ELAC1: variants seen among roughly 807,000 people sequenced by gnomAD.
The protein encoded by ELAC1 is zinc phosphodiesterase ELAC protein 1.
A neutral mutation model predicts 25.8 loss-of-function variants in ELAC1; 19 were observed. The ratio of observed to expected loss-of-function variants is 0.74; its 90% CI spans 0.51 to 1.08. The LOEUF is 1.08. Ranked by LOEUF, ELAC1 falls within the 50% of genes least tolerant of loss-of-function variation. The pLI, the probability that ELAC1 is intolerant of heterozygous loss-of-function variation, is 0.00. For synonymous variants in ELAC1, 148 were observed against 160.9 expected, an observed-to-expected ratio of 0.92 and a Z score of 0.61; for missense variants, 403 against 434.6, an observed-to-expected ratio of 0.93 and a Z score of 0.65.
chr18:50,980,008 G>A (rs1185318940), intron 2 of ELAC1, among the ~76,000 whole-genome samples: 1 of 152,182 alleles, frequency 6.6e-6, no homozygotes, highest in African/African-American at 2.4e-5. Flanking sequence ...TAGGATTCAG[G>A]TGTGAGCCAC....
intron 3 of ELAC1, among the ~76,000 whole-genome samples, chr18:50,985,314 G>A (rs958055757): frequency 6.6e-6 from 1 of 152,196 alleles, no homozygotes; most frequent in South Asian, 2.1e-4. Flanking sequence ...GTTTACTTCT[G>A]TATCTACTTT....
At chr18:50,982,010 C>A (rs1223844669) in intron 2 of ELAC1, among the ~76,000 whole-genome samples, 1 of 152,064 alleles carries the variant, frequency 6.6e-6, no homozygotes, top group Non-Finnish European at 1.5e-5. Context: ...TCACACCCAG[C>A]TAATTTTGTA....
chr18:50,984,051 G>T (rs1216975994), intron 2 of ELAC1, 45 bp from the exon 3 acceptor site: 1 of 1,360,948 alleles, frequency 7.3e-7, no homozygotes, highest in East Asian at 2.3e-5. Flanking sequence ...TGGGTTTTTA[G>T]TTAATGAAAA....
intron 1 of ELAC1, among the ~76,000 whole-genome samples, chr18:50,971,741 C>T (rs1418921412): frequency 2.0e-5 from 3 of 151,296 alleles, no homozygotes; most frequent in Admixed American, 1.3e-4. Flanking sequence ...GAGACTGAAC[C>T]CTTATCTTTT....
intron 3 of ELAC1, among the ~76,000 whole-genome samples, chr18:50,985,838 G>A (rs181450124): frequency 1.3e-5 from 2 of 151,984 alleles, no homozygotes; most frequent in East Asian, 1.9e-4. Context: ...AAATTAATAC[G>A]AGATTTAAGC....
intron 2 of ELAC1, among the ~76,000 whole-genome samples, chr18:50,979,971 T>C (rs1412210231): frequency 6.6e-6 from 1 of 152,130 alleles, no homozygotes; most frequent in African/African-American, 2.4e-5. Flanking sequence ...GCTCAGGCAG[T>C]CCACCCGCCT....
chr18:50,978,662 G>T (rs1907859434), intron 2 of ELAC1, among the ~76,000 whole-genome samples: 2 of 152,226 alleles, frequency 1.3e-5, no homozygotes, highest in African/African-American at 4.8e-5. Context: ...GTGTGTGTGT[G>T]TGAGAGAGAG....
At chr18:50,976,531 A>G (rs1194605037) in intron 2 of ELAC1, among the ~76,000 whole-genome samples, 1 of 152,154 alleles carries the variant, frequency 6.6e-6, no homozygotes, top group Non-Finnish European at 1.5e-5. Context: ...TGAGAACAGC[A>G]TGAGAGAACC....
chr18:50,983,991 A>G (rs1288688589), intron 2 of ELAC1, 105 bp from the exon 3 acceptor site: 3 of 660,030 alleles, frequency 4.5e-6, no homozygotes, highest in African/African-American at 1.8e-5. Flanking sequence ...TTTAAATTCA[A>G]TTTACTATTT....
intron 2 of ELAC1, among the ~76,000 whole-genome samples, chr18:50,981,168 G>A (rs963123490): frequency 6.7e-6 from 1 of 148,270 alleles, no homozygotes; most frequent in African/African-American, 2.5e-5. Flanking sequence ...CACATGAAAT[G>A]ATTATTAAAA....
rs997490159 is a variant in ELAC1, at chr18:50,986,842, G to A, written c.849G>A (p.Met283Ile). The change falls in exon 4 of 4, where the codon ATG (methionine) becomes ATA (isoleucine). Residue 283 changes from methionine (M) to isoleucine (I), a missense_variant. By Grantham distance (10) the Met-to-Ile change is conservative (BLOSUM62 1). Transcript: ENST00000269466. ...AAGCAACCCTGGATGATGCCCAGATGGACAAAGCAAAGGAGCATGGCCACA... is the reference window on the plus strand; with the variant it reads ...AAGCAACCCTGGATGATGCCCAGATAGACAAAGCAAAGGAGCATGGCCACA... The part of the protein sequence containing the change: ...IHEATLDDAQ[M>I]DKAKEHGHST... 3.1e-6 allele frequency: 5 copies of A among 1,614,044 alleles called. No individual in the cohort carries two copies. In the African/African-American group the frequency reaches 5.3e-5, roughly 17 times the overall value.
In ELAC1 at chr18:50,973,485, G is replaced by C. The variant is rs571077195; in HGVS notation, c.-8-912G>C. Reference sequence around the variant, plus strand: ...AGAGTCCCAAGTCCTCGTGAGTCATGGACCATGTCATGTAGGGAGTGAGAC... The same window carrying C: ...AGAGTCCCAAGTCCTCGTGAGTCATCGACCATGTCATGTAGGGAGTGAGAC... On this transcript the variant is annotated intron_variant, in intron 1 of 3. Coordinates refer to ENST00000269466, the MANE Select transcript of ELAC1 (RefSeq NM_018696.3). 5.3e-5 allele frequency among the ~76,000 whole-genome samples: 8 copies of C among 152,304 alleles called. No homozygotes were observed. In the South Asian group the frequency reaches 1.0e-3, roughly 20 times the overall value.
chr18:50,983,855 TA>T (rs999081152), intron 2 of ELAC1, among the ~76,000 whole-genome samples: 170 of 144,948 alleles, frequency 1.2e-3, no homozygotes, highest in Middle Eastern at 7.1e-3. Context: ...CCTGTCTCTT[TA>T]AAAAAAAAAA....
intron 2 of ELAC1, among the ~76,000 whole-genome samples, chr18:50,981,826 C>CA (rs991280900): frequency 6.7e-6 from 1 of 149,176 alleles, no homozygotes; most frequent in Non-Finnish European, 1.5e-5. Flanking sequence ...GATCTGGACT[C>CA]AGTGACTGCT....
intron 2 of ELAC1, among the ~76,000 whole-genome samples, chr18:50,979,749 C>T (rs1455241360): frequency 6.6e-6 from 1 of 151,878 alleles, no homozygotes; most frequent in East Asian, 1.9e-4. Context: ...TTTTTTGAGA[C>T]AGAGTCTTGC....
intron 1 of ELAC1, among the ~76,000 whole-genome samples, chr18:50,972,318 T>C (rs1907688456): frequency 6.6e-6 from 1 of 152,206 alleles, no homozygotes; most frequent in East Asian, 1.9e-4. Context: ...CTTTTTTCTC[T>C]GCTAGAATAG....
intron 2 of ELAC1, among the ~76,000 whole-genome samples, 172 bp from the exon 3 acceptor site, chr18:50,983,923 GT>G: frequency 6.6e-6 from 1 of 151,978 alleles, no homozygotes; most frequent in Admixed American, 6.6e-5. Context: ...CTGTCTTCTT[GT>G]TTTTGGAATC....
intron 1 of ELAC1, among the ~76,000 whole-genome samples, chr18:50,973,938 A>G (rs1907728061): frequency 6.6e-6 from 1 of 152,240 alleles, no homozygotes; most frequent in African/African-American, 2.4e-5. Context: ...CATTCACTCT[A>G]GTGGTGTTTA....
intron 2 of ELAC1, among the ~76,000 whole-genome samples, chr18:50,982,806 T>C (rs1029158269): frequency 6.6e-6 from 1 of 152,170 alleles, no homozygotes; most frequent in Non-Finnish European, 1.5e-5. Flanking sequence ...TTCTCAGTTC[T>C]TCATCTTTTT....
Sources: gnomAD v4.1 joint callset for allele counts (sites outside exome capture counted in the v4.1 genomes callset) on GRCh38, gnomAD v4.1.1 for gene constraint, MANE v1.5 for transcripts, NCBI Gene and HGNC (gene_info 2026-07-23, HGNC 2026-07-21) for gene names.